Variants in SYN2 observed in about 807,000 individuals in gnomAD.
The protein encoded by SYN2 is synapsin II.
A neutral mutation model predicts 50.9 loss-of-function variants in SYN2; 19 were observed. The ratio of observed to expected loss-of-function variants is 0.37; its 90% CI spans 0.26 to 0.55. The LOEUF is 0.55. SYN2 is among the 20% of genes least tolerant of loss of function. The pLI is 0.81. For synonymous variants in SYN2, 255 were observed against 224.9 expected (o/e 1.13, Z -1.20); for missense variants, 587 against 576.4 (o/e 1.02, Z -0.19).
At chr3:12,057,092 G>A (rs1453719293) in intron 1 of SYN2, among the ~76,000 whole-genome samples, 1 of 152,158 alleles carries the variant, frequency 6.6e-6, no homozygotes, top group Non-Finnish European at 1.5e-5. Flanking sequence ...AGGAGTTCAA[G>A]ACCAACTTGG....
intron 1 of SYN2, among the ~76,000 whole-genome samples, chr3:12,128,944 T>TA (rs1156369583): frequency 6.6e-6 from 1 of 152,184 alleles, no homozygotes; most frequent in Non-Finnish European, 1.5e-5. Context: ...ATGAGATTGA[T>TA]ACAGTGGCTA....
At chr3:12,076,375 C>T (rs1354394703) in intron 1 of SYN2, among the ~76,000 whole-genome samples, 1 of 151,714 alleles carries the variant, frequency 6.6e-6, no homozygotes, top group Admixed American at 6.6e-5. Flanking sequence ...TTTTTTGAAC[C>T]TAGAAGTAAT....
At chr3:12,168,303 G>A (rs1354163958) in intron 8 of SYN2, 73 bp from the exon 9 acceptor site, 1 of 1,232,100 alleles carries the variant, frequency 8.1e-7, no homozygotes, top group Non-Finnish European at 1.2e-6. Flanking sequence ...GCAGCAAGGA[G>A]AGCCTGACTG....
At chr3:12,028,768 G>A (rs1481465849) in intron 1 of SYN2, among the ~76,000 whole-genome samples, 1 of 149,056 alleles carries the variant, frequency 6.7e-6, no homozygotes, top group East Asian at 2.0e-4. Context: ...TGTAGATTCT[G>A]GATATTAGCC....
intron 5 of SYN2, chr3:12,158,897 A>AG (rs1697551520): frequency 1.4e-6 from 2 of 1,465,152 alleles, no homozygotes; most frequent in Non-Finnish European, 1.8e-6. Flanking sequence ...CGGCCCCAGC[A>AG]GGGCTCCTTC....
intron 10 of SYN2, among the ~76,000 whole-genome samples, chr3:12,180,236 G>A (rs557485699): frequency 8.4e-4 from 107 of 127,152 alleles, no homozygotes; most frequent in African/African-American, 2.5e-3. Context: ...GGCGTGAGCC[G>A]CACCCAGCTG....
intron 1 of SYN2, among the ~76,000 whole-genome samples, chr3:12,037,962 T>A (rs886449388): frequency 6.6e-6 from 1 of 152,218 alleles, no homozygotes; most frequent in African/African-American, 2.4e-5. Flanking sequence ...TTTGTGTATA[T>A]CTAAAGAAAC....
chr3:12,077,243 G>C (rs1308162880), intron 1 of SYN2, among the ~76,000 whole-genome samples: 1 of 151,888 alleles, frequency 6.6e-6, no homozygotes, highest in Admixed American at 6.6e-5. Context: ...ATTCATATAA[G>C]AATAACTCTA....
intron 1 of SYN2, among the ~76,000 whole-genome samples, chr3:12,128,624 A>G (rs1013204132): frequency 6.6e-6 from 1 of 152,194 alleles, no homozygotes; most frequent in African/African-American, 2.4e-5. Flanking sequence ...GTAATTGTTG[A>G]CTTATACCTA....
At chr3:12,095,458 G>A (rs1305978338) in intron 1 of SYN2, among the ~76,000 whole-genome samples, 2 of 126,620 alleles carry the variant, frequency 1.6e-5, no homozygotes, top group African/African-American at 6.1e-5. Flanking sequence ...TGAGGCAGGA[G>A]AATGGTGTGA....
chr3:12,142,530 A>C lies in SYN2; in HGVS notation c.527+534A>C, dbSNP rs546268650. 7.9e-5 allele frequency among the ~76,000 whole-genome samples: 12 copies of C among 152,244 alleles called. No individual in the cohort carries two copies. The East Asian group carries it at 1.4e-3, about 17-fold the overall frequency. On this transcript the variant is annotated intron_variant, in intron 3 of 12. Transcript: ENST00000621198. Reference sequence around the variant, plus strand: ...TGGGAACTCCTAAGTCTGATAGAAAAACCTAGGGCTGGAAGAGACATGGTG... The same window carrying C: ...TGGGAACTCCTAAGTCTGATAGAAACACCTAGGGCTGGAAGAGACATGGTG...
intron 1 of SYN2, among the ~76,000 whole-genome samples, chr3:12,137,063 T>A (rs1473419187): frequency 1.3e-5 from 2 of 151,954 alleles, no homozygotes; most frequent in African/African-American, 2.4e-5. Context: ...CTGGACAACA[T>A]AGTGAAACCT....
intron 1 of SYN2, among the ~76,000 whole-genome samples, chr3:12,015,668 G>A (rs879717767): frequency 8.5e-5 from 13 of 152,240 alleles, no homozygotes; most frequent in Middle Eastern, 3.4e-3. Context: ...GTACCTGCTC[G>A]CACCTCTCCC....
intron 1 of SYN2, among the ~76,000 whole-genome samples, chr3:12,061,580 A>G (rs1695113732): frequency 1.3e-5 from 2 of 152,094 alleles, no homozygotes; most frequent in African/African-American, 4.8e-5. Context: ...AAAGCTATAT[A>G]TTTTGTGAAG....
In SYN2 at chr3:12,187,420, CA is replaced by C; in HGVS notation, c.1422del (p.Arg475AlafsTer69). The C allele has an allele frequency of 6.4e-7, 1 of 1,551,966 alleles. No individual in the cohort carries two copies. The highest frequency in any genetic ancestry group is 8.7e-7 in the Non-Finnish European group (1 of 1,146,920). On this transcript the variant is annotated frameshift_variant, in exon 12 of 13. Coordinates refer to ENST00000621198, the MANE Select transcript of SYN2 (RefSeq NM_133625.6). LOFTEE classifies it high-confidence loss of function. Reference protein sequence around the residue: ...GMQPPGKVLPPRRLPPGPSLP... With the variant: ...GMQPPGKVLPXRRLPPGPSLP... ...CAGCCCCCAGGCAAGGTGCTGCCTC[CA>C]CGCCGGCTCCCCCCTGGACCATCAC...
At chr3:12,071,648 T>G (rs1695357067) in intron 1 of SYN2, 1 of 324,532 alleles carries the variant, frequency 3.1e-6, no homozygotes, top group Admixed American at 3.9e-5. Flanking sequence ...GTGGCTGTTG[T>G]AAGAACGTGC....
At chr3:12,067,758 A>G (rs764875079) in intron 1 of SYN2, among the ~76,000 whole-genome samples, 2 of 152,220 alleles carry the variant, frequency 1.3e-5, no homozygotes, top group African/African-American at 2.4e-5. Context: ...ATAAATTTTT[A>G]AAATTAAAAT....
chr3:12,183,607 T>C (rs142698977), intron 11 of SYN2: 11 of 1,465,752 alleles, frequency 7.5e-6, no homozygotes, highest in East Asian at 2.5e-5. Flanking sequence ...GTCTGGTTGT[T>C]TACCTGTTCC....
At chr3:12,059,096 T>C (rs769369610) in intron 1 of SYN2, among the ~76,000 whole-genome samples, 7 of 152,182 alleles carry the variant, frequency 4.6e-5, no homozygotes, top group Admixed American at 4.6e-4. Flanking sequence ...AGACCAGATA[T>C]CCACACCAAG....
Sources: allele counts gnomAD v4.1 joint callset (sites outside exome capture counted in the v4.1 genomes callset), GRCh38; gene constraint gnomAD v4.1.1; transcripts MANE v1.5; gene names NCBI Gene and HGNC (gene_info 2026-07-23, HGNC 2026-07-21).